The following SH3GL2 variants were observed in gnomAD, a reference collection of about 807,000 sequenced individuals.
SH3GL2 encodes SH3 domain containing GRB2 like 2, endophilin A1, also known as endophilin-A1.
A neutral mutation model predicts 46.0 loss-of-function variants in SH3GL2; 24 were observed. The ratio of observed to expected loss-of-function variants is 0.52; its 90% CI spans 0.38 to 0.73. The LOEUF (loss-of-function observed/expected upper bound fraction) is 0.73. SH3GL2 is among the 30% of genes least tolerant of loss of function. The pLI, the probability that SH3GL2 is intolerant of heterozygous loss-of-function variation, is 0.00. For synonymous variants in SH3GL2, 196 were observed against 147.1 expected, an observed-to-expected ratio of 1.33 and a Z score of -2.40; for missense variants, 413 against 424.2, an observed-to-expected ratio of 0.97 and a Z score of 0.23.
At chr9:17,793,803 C>G (rs1824199801) in intron 8 of SH3GL2, among the ~76,000 whole-genome samples, 1 of 152,198 alleles carries the variant, frequency 6.6e-6, no homozygotes, top group Admixed American at 6.5e-5. Context: ...CGTAAATCGC[C>G]TTTCCTTGTC....
chr9:17,740,077 T>C (rs900776917), intron 1 of SH3GL2, among the ~76,000 whole-genome samples: 12 of 152,144 alleles, frequency 7.9e-5, no homozygotes, highest in African/African-American at 2.9e-4. Context: ...GGAACATCAT[T>C]GTTTTTTATA....
intron 1 of SH3GL2, among the ~76,000 whole-genome samples, chr9:17,745,956 A>G (rs1172158607): frequency 6.6e-6 from 1 of 152,250 alleles, no homozygotes; most frequent in African/African-American, 2.4e-5. Flanking sequence ...AAAGGGAATG[A>G]AAAGGTCTTC....
At chr9:17,682,621 A>G (rs918554501) in intron 1 of SH3GL2, among the ~76,000 whole-genome samples, 1 of 151,968 alleles carries the variant, frequency 6.6e-6, no homozygotes, top group Non-Finnish European at 1.5e-5. Context: ...ACCATGGTAC[A>G]CATATACCTA....
intron 1 of SH3GL2, among the ~76,000 whole-genome samples, chr9:17,588,258 G>C (rs910932453): frequency 2.6e-5 from 4 of 152,194 alleles, no homozygotes; most frequent in African/African-American, 9.6e-5. Context: ...GCCTGGAAGA[G>C]GAATATGGTA....
At chr9:17,625,994 T>G (rs1331533996) in intron 1 of SH3GL2, among the ~76,000 whole-genome samples, 1 of 152,248 alleles carries the variant, frequency 6.6e-6, no homozygotes, top group East Asian at 1.9e-4. Context: ...AGCTGTTTTC[T>G]TCTCCTTGTC....
chr9:17,707,279 A>G (rs1459800704), intron 1 of SH3GL2, among the ~76,000 whole-genome samples: 2 of 152,038 alleles, frequency 1.3e-5, no homozygotes, highest in African/African-American at 2.4e-5. Context: ...GAGCTGAAAT[A>G]TCTTCCACTG....
Position 17,747,148 on chromosome 9 carries a change from A to G in SH3GL2, c.114+14A>G, listed in dbSNP as rs1476263262. On this transcript the variant is annotated intron_variant, in intron 2 of 8. Transcript: ENST00000380607. ...GAGATGGAAAGGGTAAGCCTTCACT[A>G]CTGCCTAGTGTTCCCTTTGACATAA... 5 of 1,555,300 alleles carry G rather than the reference A, an allele frequency of 3.2e-6. No individual in the cohort carries two copies. The highest frequency in any genetic ancestry group is 4.4e-6 in the Non-Finnish European group (5 of 1,128,964).
chr9:17,668,161 T>G (rs1020822746), intron 1 of SH3GL2, among the ~76,000 whole-genome samples: 1 of 152,250 alleles, frequency 6.6e-6, no homozygotes, highest in African/African-American at 2.4e-5. Flanking sequence ...GTTTTTGTTT[T>G]TGCTTTTCTT....
At chr9:17,601,687 A>G (rs1020567185) in intron 1 of SH3GL2, among the ~76,000 whole-genome samples, 1 of 152,196 alleles carries the variant, frequency 6.6e-6, no homozygotes, top group African/African-American at 2.4e-5. Context: ...GAGTGGTTCA[A>G]TAACATTGTT....
At chr9:17,698,062 A>G (rs1476758678) in intron 1 of SH3GL2, among the ~76,000 whole-genome samples, 3 of 152,188 alleles carry the variant, frequency 2.0e-5, no homozygotes. Context: ...TCAACCTTAC[A>G]TATAATTGCC....
At chr9:17,593,498 A>C (rs1818520793) in intron 1 of SH3GL2, among the ~76,000 whole-genome samples, 3 of 152,134 alleles carry the variant, frequency 2.0e-5, no homozygotes, top group Admixed American at 2.0e-4. Context: ...GGGTATTTTG[A>C]GGTATATATA....
rs377132953 is a variant in SH3GL2, at chr9:17,723,748, GTGTT to G, written c.46-23316_46-23313del. Among the ~76,000 whole-genome samples the G allele has an allele frequency of 5.8e-3, 877 of 151,752 alleles. 8 individuals are homozygous for G. The highest frequency in any genetic ancestry group is 0.02 in the African/African-American group (833 of 41,252). The stretch of plus-strand genomic sequence containing the variant: ...TGAAGACTTGCCTCCATTGATTTTT[GTGTT>G]TTTTTTCTCTCTCCCAGAGTGAAAA... On this transcript the variant is annotated intron_variant, in intron 1 of 8. Coordinates refer to ENST00000380607, the MANE Select transcript of SH3GL2 (RefSeq NM_003026.5).
chr9:17,586,529 G>C (rs1435705339), intron 1 of SH3GL2, among the ~76,000 whole-genome samples: 1 of 152,130 alleles, frequency 6.6e-6, no homozygotes. Context: ...AGGCATACCC[G>C]AGACTGGGTA....
intron 1 of SH3GL2, among the ~76,000 whole-genome samples, chr9:17,698,083 C>G (rs1012304676): frequency 6.6e-6 from 1 of 152,092 alleles, no homozygotes; most frequent in African/African-American, 2.4e-5. Flanking sequence ...TGGGTACTTC[C>G]TGAGGTGATC....
intron 1 of SH3GL2, among the ~76,000 whole-genome samples, chr9:17,743,420 T>C (rs1043862667): frequency 6.6e-6 from 1 of 152,142 alleles, no homozygotes; most frequent in African/African-American, 2.4e-5. Flanking sequence ...GCTAATAACA[T>C]CATTCGCTAT....
At chr9:17,755,882 A>G (rs1452854920) in intron 2 of SH3GL2, 1 of 448,968 alleles carries the variant, frequency 2.2e-6, no homozygotes, top group Non-Finnish European at 2.9e-6. Flanking sequence ...AGTCATTTCC[A>G]TGCCTTCTAT....
At chr9:17,726,135 A>G (rs1239116450) in intron 1 of SH3GL2, among the ~76,000 whole-genome samples, 5 of 152,058 alleles carry the variant, frequency 3.3e-5, no homozygotes, top group Non-Finnish European at 7.4e-5. Context: ...GTTTTAAGTA[A>G]TTTTCACCAG....
intron 1 of SH3GL2, among the ~76,000 whole-genome samples, chr9:17,648,054 C>G (rs1259803037): frequency 6.7e-6 from 1 of 149,754 alleles, no homozygotes; most frequent in Non-Finnish European, 1.5e-5. Flanking sequence ...CTGTAGCTTA[C>G]TTTATTGTAA....
rs188805248 is a variant in SH3GL2 at position 17,677,584 on chromosome 9, C to T, written c.46-69482C>T. ...TTTTTTGATTACTTGTAAAAGAATGCTATTCTTGATCTACTGTTACCTACT... is the reference window on the plus strand; with the variant it reads ...TTTTTTGATTACTTGTAAAAGAATGTTATTCTTGATCTACTGTTACCTACT... On this transcript the variant is annotated intron_variant, in intron 1 of 8. Transcript: ENST00000380607. 8.5e-4 allele frequency among the ~76,000 whole-genome samples: 129 copies of T among 151,462 alleles called. 1 individual carries two copies. Among genetic ancestry groups the T allele is most frequent in the African/African-American group, 2.8e-3 (116 of 41,186 alleles).
Sources: allele counts gnomAD v4.1 joint callset (sites outside exome capture counted in the v4.1 genomes callset), GRCh38; gene constraint gnomAD v4.1.1; transcripts MANE v1.5; gene names NCBI Gene and HGNC (gene_info 2026-07-23, HGNC 2026-07-21).